The following MCTP2 variants were observed in gnomAD, a reference collection of about 807,000 sequenced individuals.
MCTP2 encodes the protein multiple C2 and transmembrane domain-containing protein 2.
Under a neutral mutation model 111.6 loss-of-function variants are expected in MCTP2, and 132 were observed. The ratio of observed to expected loss-of-function variants is 1.18; its 90% confidence interval spans 1.03 to 1.37. The LOEUF is 1.37. Among genes scored for constraint, MCTP2 ranks in the 40% most tolerant of loss-of-function variants. The pLI is 0.00. For synonymous variants in MCTP2, 395 were observed against 387.7 expected (o/e 1.02, Z -0.22); for missense variants, 1,183 against 1,067.9 (o/e 1.11, Z -1.50).
intron 17 of MCTP2, among the ~76,000 whole-genome samples, chr15:94,418,318 T>G (rs982016098): frequency 6.6e-6 from 1 of 152,186 alleles, no homozygotes; most frequent in Non-Finnish European, 1.5e-5. Context: ...TCGATACATT[T>G]AATGGAATTT....
chr15:94,474,881 T>A (rs2074228800), intron 21 of MCTP2, among the ~76,000 whole-genome samples: 1 of 151,538 alleles, frequency 6.6e-6, no homozygotes, highest in African/African-American at 2.4e-5. Context: ...CAAACATAGA[T>A]AGTCTCAGTG....
Position 94,442,905 on chromosome 15 carries a change from G to T in MCTP2, c.2209-14G>T. On this transcript the variant is annotated splice_polypyrimidine_tract_variant and intron_variant, in intron 18 of 22. Transcript: ENST00000357742. ...CGGTTGATGTTTCTATAAACACGTG[G>T]GATTTCCTTTCAGGAGAGCACAGAC... is the stretch of plus-strand genomic sequence containing the variant. The T allele has an allele frequency of 6.2e-7, 1 of 1,611,750 alleles. No individual in the cohort carries two copies.
intron 1 of MCTP2, among the ~76,000 whole-genome samples, chr15:94,282,317 T>C (rs1297631330): frequency 1.3e-5 from 2 of 152,242 alleles, no homozygotes; most frequent in Non-Finnish European, 2.9e-5. Context: ...GAGATTCTTT[T>C]CTCAGCTTTC....
intron 2 of MCTP2, among the ~76,000 whole-genome samples, chr15:94,313,047 G>T (rs1396940008): frequency 6.6e-6 from 1 of 152,112 alleles, no homozygotes; most frequent in Non-Finnish European, 1.5e-5. Context: ...CATTGTCTCC[G>T]GGGCTGCCTC....
At chr15:94,308,326 C>T (rs2075976909) in intron 2 of MCTP2, among the ~76,000 whole-genome samples, 1 of 152,182 alleles carries the variant, frequency 6.6e-6, no homozygotes, top group South Asian at 2.1e-4. Flanking sequence ...TGTACAGCTG[C>T]TTCCTGGTCA....
intron 17 of MCTP2, among the ~76,000 whole-genome samples, chr15:94,413,516 C>T (rs560888874): frequency 4.6e-5 from 7 of 151,550 alleles, no homozygotes; most frequent in African/African-American, 1.5e-4. Flanking sequence ...GGTTTCACTT[C>T]TATAAAGGCC....
At chr15:94,245,494 G>A (rs1198859735) in intron 1 of MCTP2, among the ~76,000 whole-genome samples, 2 of 137,422 alleles carry the variant, frequency 1.5e-5, no homozygotes, top group East Asian at 2.1e-4. Context: ...ATACATGTAT[G>A]TATTTATATA....
intron 17 of MCTP2, among the ~76,000 whole-genome samples, chr15:94,426,013 C>A (rs1191643306): frequency 1.3e-5 from 2 of 151,868 alleles, no homozygotes; most frequent in Non-Finnish European, 2.9e-5. Flanking sequence ...TGTCAATTGT[C>A]AATTTTATTA....
chr15:94,316,419 A>G (rs556882748), intron 4 of MCTP2, among the ~76,000 whole-genome samples: 1 of 152,326 alleles, frequency 6.6e-6, no homozygotes, highest in South Asian at 2.1e-4. Flanking sequence ...AAGAGCAGAC[A>G]GTTGAGCTAG....
At chr15:94,457,465 T>A (rs1405562446) in intron 19 of MCTP2, among the ~76,000 whole-genome samples, 1 of 152,196 alleles carries the variant, frequency 6.6e-6, no homozygotes, top group Non-Finnish European at 1.5e-5. Flanking sequence ...AATTTGTATT[T>A]GCTTCTAATG....
Position 94,243,857 on chromosome 15 carries a change from A to G in MCTP2, c.-66+12193A>G, listed in dbSNP as rs1461045159. Among the ~76,000 whole-genome samples, 3 of 148,144 alleles carry G rather than the reference A, an allele frequency of 2.0e-5. No individual in the cohort carries two copies. The East Asian group carries it at 6.2e-4, about 31-fold the overall frequency. On this transcript the variant is annotated intron_variant, in intron 1 of 22. Coordinates refer to ENST00000357742, the MANE Select transcript of MCTP2 (RefSeq NM_001385001.1). ...TATATTTATGTACACATATATGTATACACATACATATGTGTATATATTTAT... is the reference window on the plus strand; with the variant it reads ...TATATTTATGTACACATATATGTATGCACATACATATGTGTATATATTTAT...
intron 17 of MCTP2, among the ~76,000 whole-genome samples, chr15:94,429,451 T>C (rs111993429): frequency 0.011 from 1,692 of 152,328 alleles, 26 homozygotes; most frequent in Middle Eastern, 0.048. Flanking sequence ...TTTTGCCTCA[T>C]CATTTTACTA....
intron 1 of MCTP2, among the ~76,000 whole-genome samples, chr15:94,280,121 G>A (rs1317969612): frequency 6.6e-6 from 1 of 152,074 alleles, no homozygotes; most frequent in African/African-American, 2.4e-5. Flanking sequence ...AGTTAGGGAG[G>A]AATCACTCCT....
chr15:94,397,921 A>G (rs1489044949), intron 14 of MCTP2, among the ~76,000 whole-genome samples: 1 of 152,220 alleles, frequency 6.6e-6, no homozygotes, highest in African/African-American at 2.4e-5. Flanking sequence ...TGCTTCTTAA[A>G]AGCCCAAAGT....
intron 19 of MCTP2, among the ~76,000 whole-genome samples, chr15:94,453,919 T>C (rs1303248377): frequency 1.3e-5 from 2 of 152,218 alleles, no homozygotes; most frequent in African/African-American, 4.8e-5. Context: ...TAAAAATGCA[T>C]GTTGATATAT....
intron 1 of MCTP2, 112 bp from the exon 2 acceptor site, chr15:94,298,089 T>C (rs1485925756): frequency 8.0e-6 from 4 of 500,288 alleles, no homozygotes; most frequent in Admixed American, 7.6e-5. Flanking sequence ...TATTGGAAAC[T>C]GTAAGATTTT....
chr15:94,369,555 A>G (rs2079376298), intron 11 of MCTP2, among the ~76,000 whole-genome samples: 1 of 152,198 alleles, frequency 6.6e-6, no homozygotes, highest in African/African-American at 2.4e-5. Flanking sequence ...GTGGTACTAG[A>G]TACTTAATCT....
chr15:94,429,890 A>G (rs765007615), intron 17 of MCTP2, among the ~76,000 whole-genome samples: 20 of 152,210 alleles, frequency 1.3e-4, no homozygotes, highest in Non-Finnish European at 2.1e-4. Context: ...CTTTGTCTCA[A>G]TGCATGGACA....
At chr15:94,238,586 G>C (rs999170932) in intron 1 of MCTP2, among the ~76,000 whole-genome samples, 1 of 152,164 alleles carries the variant, frequency 6.6e-6, no homozygotes, top group African/African-American at 2.4e-5. Flanking sequence ...TGAAATTTTA[G>C]TTGTGAATAA....
Sources: gnomAD v4.1 joint callset for allele counts (sites outside exome capture counted in the v4.1 genomes callset) on GRCh38, gnomAD v4.1.1 for gene constraint, MANE v1.5 for transcripts, NCBI Gene and HGNC (gene_info 2026-07-23, HGNC 2026-07-21) for gene names.